The following ZNRF1 variants were observed in gnomAD, a reference collection of about 807,000 sequenced individuals.
The protein encoded by ZNRF1 is zinc and ring finger 1.
In ZNRF1, 3 loss-of-function variants were observed where a neutral mutation model predicts 18.4. That is an observed-to-expected ratio of 0.16 (90% CI 0.07 to 0.42). ZNRF1 has a LOEUF of 0.42. Ranked by LOEUF, ZNRF1 falls within the 10% of genes least tolerant of loss-of-function variation. The probability of loss-of-function intolerance (pLI) is 0.99; values close to 1 mark genes in which losing one functional copy is unlikely to be tolerated. For synonymous variants in ZNRF1, 157 were observed against 144.2 expected (o/e 1.09, Z -0.64); for missense variants, 310 against 329.8 (o/e 0.94, Z 0.47).
intron 1 of ZNRF1, among the ~76,000 whole-genome samples, chr16:75,062,048 T>A (rs1317691950): frequency 6.6e-6 from 1 of 152,210 alleles, no homozygotes; most frequent in Non-Finnish European, 1.5e-5. Context: ...CAAGTGTCAA[T>A]GAAAAAATAT....
At chr16:75,032,903 C>G (rs1200426846) in intron 1 of ZNRF1, among the ~76,000 whole-genome samples, 1 of 152,062 alleles carries the variant, frequency 6.6e-6, no homozygotes, top group African/African-American at 2.4e-5. Context: ...GTCCCAGCTA[C>G]TGAGGAGGCT....
At chr16:75,048,629 G>A (rs971975882) in intron 1 of ZNRF1, among the ~76,000 whole-genome samples, 10 of 152,128 alleles carry the variant, frequency 6.6e-5, no homozygotes, top group African/African-American at 1.9e-4. Context: ...GTCGGCTCTC[G>A]AGAATAGAAC....
At chr16:75,013,340 G>A (rs2035024204) in intron 1 of ZNRF1, among the ~76,000 whole-genome samples, 1 of 150,220 alleles carries the variant, frequency 6.7e-6, no homozygotes, top group South Asian at 2.1e-4. Context: ...TACTTTTTCT[G>A]TCCATTCAAT....
intron 1 of ZNRF1, among the ~76,000 whole-genome samples, chr16:75,009,916 T>C (rs1238039586): frequency 1.4e-5 from 2 of 144,198 alleles, no homozygotes; most frequent in African/African-American, 5.1e-5. Context: ...TTCATGTGTT[T>C]ATTGGCCATT....
chr16:75,044,011 C>A (rs1370022939), intron 1 of ZNRF1, among the ~76,000 whole-genome samples: 1 of 151,940 alleles, frequency 6.6e-6, no homozygotes, highest in African/African-American at 2.4e-5. Flanking sequence ...CGTGGTTTCA[C>A]CATGTTGGCC....
chr16:75,012,290 G>A (rs2035009328), intron 1 of ZNRF1, among the ~76,000 whole-genome samples: 2 of 152,188 alleles, frequency 1.3e-5, no homozygotes, highest in Admixed American at 1.3e-4. Flanking sequence ...TAGTGTAAAA[G>A]GATCATGAGA....
chr16:75,031,209 G>A (rs1159687700), intron 1 of ZNRF1, among the ~76,000 whole-genome samples: 1 of 150,510 alleles, frequency 6.6e-6, no homozygotes, highest in African/African-American at 2.5e-5. Context: ...TTGGCTCTCC[G>A]CAATCTCCGC....
rs6564200 is a variant in ZNRF1 at position 75,060,886 on chromosome 16, G to C, written c.425-32686G>C. Among the ~76,000 whole-genome samples the C allele has an allele frequency of 3.3e-5, 5 of 152,200 alleles. No homozygotes were observed. In the East Asian group the frequency reaches 5.8e-4, roughly 18 times the overall value. ...GAGGGTACTGGAGTTTTGTAACTTC[G>C]TGAGGAGGAGGAGGCTAAGAAAATA... On this transcript the variant is annotated intron_variant, in intron 1 of 4. Transcript: ENST00000335325.
intron 2 of ZNRF1, among the ~76,000 whole-genome samples, chr16:75,098,074 GCTGGACAGGCTGGAGTCAGA>G (rs1487758305): frequency 8.5e-5 from 13 of 152,216 alleles, no homozygotes; most frequent in African/African-American, 3.1e-4. Flanking sequence ...CTGGAGTCAG[GCTGGACAGGCTGGAGTCAGA>G]CTGCGGAGGT....
At chr16:75,106,266 C>T (rs2036314886) in intron 3 of ZNRF1, 8 of 572,114 alleles carry the variant, frequency 1.4e-5, no homozygotes, top group Non-Finnish European at 2.5e-5. Flanking sequence ...TGAGCCGGTA[C>T]TGCTGCCTCC....
chr16:75,107,983 G>A lies in ZNRF1; in HGVS notation c.*283G>A, dbSNP rs553698192. On this transcript the variant is annotated 3_prime_UTR_variant, in exon 5 of 5. Transcript: ENST00000335325. Reference sequence around the variant, plus strand: ...TTTTTCATCTTTGAAAGGCATTGTGGGTCTGTCTTTAAAGTGTTTACAAAA... The same window carrying A: ...TTTTTCATCTTTGAAAGGCATTGTGAGTCTGTCTTTAAAGTGTTTACAAAA... 1.7e-5 allele frequency: 6 copies of A among 349,154 alleles called. No homozygotes were observed. Among genetic ancestry groups the A allele is most frequent in the Non-Finnish European group, 2.9e-5 (5 of 174,288 alleles). The allele number at this position is 349,154 out of a possible 1,614,324, so 21.6% of individuals were successfully genotyped here.
chr16:75,081,194 G>A (rs2036007662), intron 1 of ZNRF1, among the ~76,000 whole-genome samples: 1 of 152,028 alleles, frequency 6.6e-6, no homozygotes, highest in South Asian at 2.1e-4. Context: ...TAAAAATAAG[G>A]ACTCCAGGAC....
chr16:75,103,889 A>G (rs770158949), intron 2 of ZNRF1, among the ~76,000 whole-genome samples: 22 of 152,062 alleles, frequency 1.4e-4, no homozygotes, highest in Non-Finnish European at 2.6e-4. Context: ...GGAGGCTGAG[A>G]CAGGAAAATC....
intron 1 of ZNRF1, among the ~76,000 whole-genome samples, chr16:75,068,849 A>T (rs2035835101): frequency 6.6e-6 from 1 of 150,692 alleles, no homozygotes; most frequent in African/African-American, 2.4e-5. Flanking sequence ...TTCACCCAAC[A>T]TCTATTCCCT....
rs560291818 is a variant in ZNRF1, at chr16:75,053,365, G to T, written c.425-40207G>T. Among the ~76,000 whole-genome samples, 5 of 152,108 alleles carry T rather than the reference G, an allele frequency of 3.3e-5. No homozygotes were observed. In the South Asian group the frequency reaches 1.0e-3, roughly 32 times the overall value. ...GCACTTTGGGAGGCCAAGGCAGGTG[G>T]ATCACCTGAGGTCAGGAGTTCAAGA... On this transcript the variant is annotated intron_variant, in intron 1 of 4. Coordinates refer to ENST00000335325, the MANE Select transcript of ZNRF1 (RefSeq NM_032268.5).
At chr16:75,006,816 C>A (rs1027543526) in intron 1 of ZNRF1, among the ~76,000 whole-genome samples, 1 of 152,186 alleles carries the variant, frequency 6.6e-6, no homozygotes, top group African/African-American at 2.4e-5. Context: ...TAGTCTGAAT[C>A]AGATGGTTCA....
intron 1 of ZNRF1, among the ~76,000 whole-genome samples, chr16:75,033,927 G>T (rs536139054): frequency 6.6e-6 from 1 of 151,928 alleles, no homozygotes; most frequent in South Asian, 2.1e-4. Context: ...TGGGCAGATT[G>T]CCTGAGCTCA....
At chr16:75,036,839 C>G (rs1357410878) in intron 1 of ZNRF1, among the ~76,000 whole-genome samples, 1 of 152,156 alleles carries the variant, frequency 6.6e-6, no homozygotes, top group African/African-American at 2.4e-5. Flanking sequence ...TGAATTGAGC[C>G]ATATGTGATT....
chr16:75,070,213 G>T (rs1343804620), intron 1 of ZNRF1, among the ~76,000 whole-genome samples: 1 of 152,152 alleles, frequency 6.6e-6, no homozygotes, highest in East Asian at 1.9e-4. Flanking sequence ...ACTGGCCCCA[G>T]GAGCATAGGG....
Sources: gnomAD v4.1 joint callset for allele counts (sites outside exome capture counted in the v4.1 genomes callset) on GRCh38, gnomAD v4.1.1 for gene constraint, MANE v1.5 for transcripts, NCBI Gene and HGNC (gene_info 2026-07-23, HGNC 2026-07-21) for gene names.